The following HS6ST2 variants were observed in gnomAD, a reference collection of about 807,000 sequenced individuals.
HS6ST2 encodes the protein heparan-sulfate 6-O-sulfotransferase 2.
Under a neutral mutation model 33.0 loss-of-function variants are expected in HS6ST2, and 17 were observed. The ratio of observed to expected loss-of-function variants is 0.52; its 90% confidence interval spans 0.35 to 0.77. The LOEUF (loss-of-function observed/expected upper bound fraction) is 0.77. Ranked by LOEUF, HS6ST2 falls within the 30% of genes least tolerant of loss-of-function variation. The pLI, the probability that HS6ST2 is intolerant of heterozygous loss-of-function variation, is 0.01. For missense variants in HS6ST2, 519 were observed against 551.7 expected, an observed-to-expected ratio of 0.94 and a Z score of 0.59; for synonymous variants, 248 against 237.1, an observed-to-expected ratio of 1.05 and a Z score of -0.42.
intron 2 of HS6ST2, 109 bp downstream of exon 2, chrX:132,956,699 A>G: frequency 2.1e-6 from 2 of 951,611 alleles, no homozygotes; most frequent in Non-Finnish European, 2.7e-6. Context: ...CGGGGTGCAA[A>G]CGCCCGGGCG....
intron 2 of HS6ST2, among the ~76,000 whole-genome samples, chrX:132,813,959 AT>A (rs1188940898): frequency 9.0e-6 from 1 of 111,545 alleles, no homozygotes; most frequent in Non-Finnish European, 1.9e-5. Context: ...TTATTTATTT[AT>A]TTGAGATGGA....
chrX:132,807,101 T>A (rs1484115209), intron 2 of HS6ST2, among the ~76,000 whole-genome samples: 2 of 110,122 alleles, frequency 1.8e-5, no homozygotes, highest in African/African-American at 6.5e-5. Flanking sequence ...GAAATGGCAA[T>A]TACTTTCGGA....
At chrX:132,769,474 C>T (rs2064876685) in intron 2 of HS6ST2, among the ~76,000 whole-genome samples, 1 of 111,972 alleles carries the variant, frequency 8.9e-6, no homozygotes, top group African/African-American at 3.2e-5. Flanking sequence ...AGGAAAGCAG[C>T]TCAGGGGGAA....
intron 2 of HS6ST2, among the ~76,000 whole-genome samples, chrX:132,901,653 C>A (rs1264836937): frequency 9.0e-6 from 1 of 111,393 alleles, no homozygotes; most frequent in East Asian, 2.8e-4. Context: ...AGGTATGGTA[C>A]CCAAATATCC....
intron 2 of HS6ST2, among the ~76,000 whole-genome samples, chrX:132,915,978 C>A (rs1051554712): frequency 9.1e-6 from 1 of 110,466 alleles, no homozygotes; most frequent in Non-Finnish European, 1.9e-5. Context: ...CGTGATCCAC[C>A]TGCCTCGGCC....
intron 2 of HS6ST2, among the ~76,000 whole-genome samples, chrX:132,847,336 C>G (rs999847102): frequency 1.2e-4 from 13 of 111,062 alleles, no homozygotes; most frequent in African/African-American, 3.6e-4. Context: ...TATCTCTGGA[C>G]TCTACCCATT....
At chrX:132,655,358 C>T (rs1216162821) in intron 4 of HS6ST2, among the ~76,000 whole-genome samples, 2 of 111,598 alleles carry the variant, frequency 1.8e-5, no homozygotes, top group South Asian at 3.8e-4. Flanking sequence ...GTAATAACAA[C>T]GATTCCATTT....
chrX:132,903,539 A>G (rs2066444348), intron 2 of HS6ST2, among the ~76,000 whole-genome samples: 1 of 112,262 alleles, frequency 8.9e-6, no homozygotes, highest in Non-Finnish European at 1.9e-5. Context: ...ATTTCAAAAC[A>G]TTAATCAAGA....
intron 3 of HS6ST2, among the ~76,000 whole-genome samples, chrX:132,697,828 C>T (rs1311804917): frequency 1.8e-5 from 2 of 111,884 alleles, no homozygotes; most frequent in Non-Finnish European, 3.8e-5. Flanking sequence ...TCTGTACTCC[C>T]AGTGCCTGGC....
At chrX:132,862,258 G>C in intron 2 of HS6ST2, among the ~76,000 whole-genome samples, 1 of 111,656 alleles carries the variant, frequency 9.0e-6, no homozygotes, top group Non-Finnish European at 1.9e-5. Flanking sequence ...TTGGGACCAG[G>C]GTAGTGCTGT....
At chrX:132,957,696 C>A (rs895925178) in intron 1 of HS6ST2, among the ~76,000 whole-genome samples, 1 of 110,201 alleles carries the variant, frequency 9.1e-6, no homozygotes, top group Non-Finnish European at 1.9e-5. Flanking sequence ...CCAGTCCGGG[C>A]CCCCGCGTGT....
intron 3 of HS6ST2, among the ~76,000 whole-genome samples, chrX:132,670,595 C>T (rs772346302): frequency 1.2e-4 from 13 of 111,264 alleles, no homozygotes; most frequent in Admixed American, 8.6e-4. Context: ...GTCAGGAGTT[C>T]GAGACCAGCC....
At chrX:132,957,372 G>A in intron 1 of HS6ST2, 46 bp from the exon 2 acceptor site, 1 of 1,120,154 alleles carries the variant, frequency 8.9e-7, no homozygotes, top group Non-Finnish European at 1.2e-6. Flanking sequence ...AGCTCAGCCC[G>A]CGCTCGTCGT....
chrX:132,886,364 G>A (rs5977774), intron 2 of HS6ST2, among the ~76,000 whole-genome samples: 1,294 of 111,029 alleles, frequency 0.012, 21 homozygotes, highest in African/African-American at 0.04. Context: ...TTTGTGAACT[G>A]GAAGATAAAT....
At position 132,828,712 on chromosome X, in the gene HS6ST2, A is replaced by G. The variant is rs1464249453; in HGVS notation, c.948-120218T>C. ...TATATATACACACACACACACACAC[A>G]CACACACACACACACACACACACAC... On this transcript the variant is annotated intron_variant, in intron 2 of 4. Coordinates refer to ENST00000370833, the MANE Select transcript of HS6ST2 (RefSeq NM_001394073.1). 7.7e-4 allele frequency among the ~76,000 whole-genome samples: 69 copies of G among 90,099 alleles called. 5 individuals are homozygous for G. The highest frequency in any genetic ancestry group is 2.0e-3 in the South Asian group (4 of 1,997). 78.2% of individuals were successfully genotyped at this position (90,099 alleles called of 115,157 possible).
rs1485983217 is a variant in HS6ST2 at position 132,731,445 on chromosome X, G to T, written c.948-22951C>A. On this transcript the variant is annotated intron_variant, in intron 2 of 4. Transcript: ENST00000370833. ...CAGATCTCTGTGCTTTCTTGCCTGT[G>T]TTCCTTCTACTACATTTTGACCCCT... Among the ~76,000 whole-genome samples the T allele has an allele frequency of 3.6e-5, 4 of 111,697 alleles. No individual in the cohort carries two copies. The East Asian group carries it at 1.1e-3, about 31-fold the overall frequency.
At chrX:132,678,251 G>C (rs2063939400) in intron 3 of HS6ST2, among the ~76,000 whole-genome samples, 1 of 112,051 alleles carries the variant, frequency 8.9e-6, no homozygotes, top group Admixed American at 9.4e-5. Flanking sequence ...AGCTACTTGA[G>C]AGGCTGAGTT....
intron 2 of HS6ST2, among the ~76,000 whole-genome samples, chrX:132,800,697 G>A (rs1006546210): frequency 9.0e-6 from 1 of 111,323 alleles, no homozygotes; most frequent in African/African-American, 3.3e-5. Context: ...GCTCCAGAGG[G>A]ACTACATGCT....
intron 4 of HS6ST2, among the ~76,000 whole-genome samples, chrX:132,629,652 A>G (rs189169127): frequency 7.9e-4 from 89 of 112,634 alleles, no homozygotes; most frequent in African/African-American, 2.8e-3. Flanking sequence ...ACTCATTAAA[A>G]GAGTGTATGA....
Sources: gnomAD v4.1 joint callset for allele counts (sites outside exome capture counted in the v4.1 genomes callset) on GRCh38, gnomAD v4.1.1 for gene constraint, MANE v1.5 for transcripts, NCBI Gene and HGNC (gene_info 2026-07-23, HGNC 2026-07-21) for gene names.